KAZN: variants seen among roughly 807,000 people sequenced by gnomAD.
KAZN encodes kazrin, periplakin interacting protein, also known as kazrin.
KAZN carries 40 observed loss-of-function variants against 87.4 expected under a neutral mutation model. The observed-to-expected ratio is 0.46, with a 90% CI of 0.36 to 0.60. KAZN has a LOEUF of 0.60. KAZN is among the 20% of genes least tolerant of loss of function. The pLI is 0.00. For synonymous variants in KAZN, 466 were observed against 458.3 expected (o/e 1.02, Z -0.22); for missense variants, 898 against 1,073.9 (o/e 0.84, Z 2.29).
At chr1:14,985,982 G>C (rs536246597) in intron 2 of KAZN, among the ~76,000 whole-genome samples, 2 of 124,532 alleles carry the variant, frequency 1.6e-5, no homozygotes. Flanking sequence ...CAGCCTGGGC[G>C]ACAGAGCCAG....
chr1:15,036,277 T>TCCCCGGCTCCCCCCGCCCTGCCCGCCC (rs1220515025), intron 3 of KAZN, among the ~76,000 whole-genome samples: 1 of 13,666 alleles, frequency 7.3e-5, no homozygotes. Context: ...CTGCCCTGCC[T>TCCCCGGCTCCCCCCGCCCTGCCCGCCC]ACCCAGCTCC....
At chr1:14,012,404 C>T (rs1640356290) in intron 1 of KAZN, among the ~76,000 whole-genome samples, 1 of 152,160 alleles carries the variant, frequency 6.6e-6, no homozygotes, top group South Asian at 2.1e-4. Flanking sequence ...TCAGTGTCAA[C>T]AATATCCAAT....
In KAZN at chr1:15,047,310, C is replaced by A. The variant is rs1003009154; in HGVS notation, c.726+3151C>A. Among the ~76,000 whole-genome samples, 9 of 152,318 alleles carry A rather than the reference C, an allele frequency of 5.9e-5. 1 individual carries two copies. The highest frequency in any genetic ancestry group is 3.9e-4 in the Admixed American group (6 of 15,300). ...GTGTTGCCTGCAGGCCCAGCTCCCCCACTGCACAGCTGACCCTTCCTCGGG... is the reference window on the plus strand; with the variant it reads ...GTGTTGCCTGCAGGCCCAGCTCCCCAACTGCACAGCTGACCCTTCCTCGGG... On this transcript the variant is annotated intron_variant, in intron 4 of 14. Coordinates refer to ENST00000376030, the MANE Select transcript of KAZN (RefSeq NM_201628.3).
intron 2 of KAZN, among the ~76,000 whole-genome samples, chr1:14,384,027 T>TC (rs1199853493): frequency 6.6e-6 from 1 of 152,094 alleles, no homozygotes; most frequent in Non-Finnish European, 1.5e-5. Flanking sequence ...AAGAGGTCCT[T>TC]CACATCCCTT....
At chr1:14,442,906 G>A (rs763601076) in intron 2 of KAZN, among the ~76,000 whole-genome samples, 1 of 152,128 alleles carries the variant, frequency 6.6e-6, no homozygotes, top group Non-Finnish European at 1.5e-5. Flanking sequence ...CCGACACGTG[G>A]GTCATTTATA....
Position 15,090,735 on chromosome 1 carries a change from AC to A in KAZN, c.1223-3442del, listed in dbSNP as rs549902084. The stretch of plus-strand genomic sequence containing the variant: ...TGATAATGTTGGCAGTGACCTCTCA[AC>A]CCATACTTGTCCCAGCACGGACAGC... On this transcript the variant is annotated intron_variant, in intron 8 of 14. Transcript: ENST00000376030. 5.9e-5 allele frequency among the ~76,000 whole-genome samples: 9 copies of A among 152,260 alleles called. No homozygotes were observed. The South Asian group carries it at 1.9e-3, about 32-fold the overall frequency.
rs547467941 is a variant in KAZN at position 15,093,465 on chromosome 1, C to T, written c.1223-715C>T. Among the ~76,000 whole-genome samples the T allele has an allele frequency of 2.0e-5, 3 of 151,120 alleles. No individual in the cohort carries two copies. The South Asian group carries it at 6.3e-4, about 32-fold the overall frequency. On this transcript the variant is annotated intron_variant, in intron 8 of 14. Transcript: ENST00000376030. ...ATTTTGAGGCCTCCAGATTTAAAGG[C>T]GAAAGGATATTGAGAAGCACACAGT...
chr1:14,402,652 G>A (rs969656524), intron 2 of KAZN, among the ~76,000 whole-genome samples: 4 of 152,108 alleles, frequency 2.6e-5, no homozygotes, highest in East Asian at 3.8e-4. Context: ...AAATCACACA[G>A]AAGAGTAAAC....
At chr1:14,518,689 C>T (rs556106723) in intron 2 of KAZN, among the ~76,000 whole-genome samples, 1 of 152,264 alleles carries the variant, frequency 6.6e-6, no homozygotes, top group East Asian at 1.9e-4. Context: ...GCCCGGCTTC[C>T]CGTCCAGGCT....
intron 1 of KAZN, among the ~76,000 whole-genome samples, chr1:14,097,655 C>T (rs1338672008): frequency 6.6e-6 from 1 of 152,100 alleles, no homozygotes; most frequent in Non-Finnish European, 1.5e-5. Context: ...GGAACATTCA[C>T]CAGTGAATAT....
rs1433877132 is a variant in KAZN, at chr1:15,103,519, C to CACATGCAAATCAA, written c.1881+59_1881+60insACATGCAAATCAA. The CACATGCAAATCAA allele has an allele frequency of 2.9e-3, 3,248 of 1,105,706 alleles. 129 individuals are homozygous for CACATGCAAATCAA. In the African/African-American group the frequency reaches 0.045, roughly 15 times the overall value. 68.5% of individuals were successfully genotyped at this position (1,105,706 alleles called of 1,614,324 possible). The stretch of plus-strand genomic sequence containing the variant: ...GGGCATACACAAACCCCATGCAAAT[C>CACATGCAAATCAA]TATATGCAAATCAATATGCAAATCA... On this transcript the variant is annotated intron_variant, in intron 12 of 14. Coordinates refer to ENST00000376030, the MANE Select transcript of KAZN (RefSeq NM_201628.3).
chr1:14,766,646 A>G (rs542489987), intron 1 of KAZN, among the ~76,000 whole-genome samples: 2 of 147,920 alleles, frequency 1.4e-5, no homozygotes, highest in South Asian at 4.5e-4. Flanking sequence ...TGGGAAGACA[A>G]AGATGCTGAG....
intron 2 of KAZN, among the ~76,000 whole-genome samples, chr1:14,368,709 C>CA (rs992691095): frequency 3.2e-4 from 48 of 152,194 alleles, no homozygotes; most frequent in African/African-American, 1.1e-3. Flanking sequence ...TACGACCATG[C>CA]ACCCAAACTG....
intron 2 of KAZN, among the ~76,000 whole-genome samples, chr1:14,409,834 T>G (rs890487912): frequency 6.6e-6 from 1 of 152,066 alleles, no homozygotes; most frequent in Non-Finnish European, 1.5e-5. Context: ...TTCAGAATAA[T>G]CATAATCATA....
chr1:15,066,991 G>C lies in KAZN; in HGVS notation c.1222+1238G>C, dbSNP rs1639268975. The stretch of plus-strand genomic sequence containing the variant: ...CCCCTTCTTTGGGTCTGTCTTTTGA[G>C]AGAGGTTGAGTTCAGGGCAAGACAG... On this transcript the variant is annotated intron_variant, in intron 8 of 14. Coordinates refer to ENST00000376030, the MANE Select transcript of KAZN (RefSeq NM_201628.3). The surrounding 1 kb of genome is among the most constrained non-coding windows in gnomAD (Gnocchi z 4.3). 3 of 985,424 alleles carry C rather than the reference G, an allele frequency of 3.0e-6. No homozygotes were observed. The highest frequency in any genetic ancestry group is 4.7e-5 in the South Asian group (1 of 21,290). The allele number at this position is 985,424 out of a possible 1,614,324, so 61.0% of individuals were successfully genotyped here. A position where few individuals can be genotyped will look rare whatever the true frequency, so the allele number is the denominator to read the frequency against.
intron 2 of KAZN, among the ~76,000 whole-genome samples, chr1:14,519,774 A>T (rs1258909746): frequency 6.6e-6 from 1 of 152,088 alleles, no homozygotes; most frequent in Admixed American, 6.5e-5. Flanking sequence ...GACCTGAGAG[A>T]TGCAGGAGGA....
chr1:14,103,068 C>G (rs1035150402), intron 1 of KAZN, among the ~76,000 whole-genome samples: 1 of 151,986 alleles, frequency 6.6e-6, no homozygotes, highest in Non-Finnish European at 1.5e-5. Context: ...AGGTGTGCAC[C>G]ACCACACCTG....
At chr1:13,955,005 C>T (rs1641490744) in intron 1 of KAZN, among the ~76,000 whole-genome samples, 1 of 152,260 alleles carries the variant, frequency 6.6e-6, no homozygotes, top group African/African-American at 2.4e-5. Context: ...TCGAAAGTAA[C>T]ATTTTCACTT....
chr1:14,328,195 G>A (rs1656579485), intron 2 of KAZN, among the ~76,000 whole-genome samples: 1 of 152,154 alleles, frequency 6.6e-6, no homozygotes, highest in Non-Finnish European at 1.5e-5. Context: ...GTCCTTATCA[G>A]AATGTTCCTT....
Sources: allele counts gnomAD v4.1 joint callset (sites outside exome capture counted in the v4.1 genomes callset), GRCh38; gene constraint gnomAD v4.1.1; non-coding constraint Gnocchi (gnomAD v3.1); transcripts MANE v1.5; gene names NCBI Gene and HGNC (gene_info 2026-07-23, HGNC 2026-07-21).